Variants in RAB3IL1 observed in about 807,000 individuals in gnomAD.
RAB3IL1 encodes the protein guanine nucleotide exchange factor for Rab-3A.
RAB3IL1 carries 37 observed loss-of-function variants against 49.2 expected under a neutral mutation model. That is an observed-to-expected ratio of 0.75 (90% CI 0.58 to 0.99). The LOEUF (loss-of-function observed/expected upper bound fraction) is 0.99, where lower values mean the gene tolerates loss of function less well. Among genes scored for constraint, RAB3IL1 ranks in the 50% least tolerant of loss-of-function variants. RAB3IL1 has a pLI of 0.00. For synonymous variants in RAB3IL1, 193 were observed against 213.9 expected, an observed-to-expected ratio of 0.90 and a Z score of 0.85; for missense variants, 484 against 513.0, an observed-to-expected ratio of 0.94 and a Z score of 0.55.
Position 61,901,401 on chromosome 11 carries a change from C to T in RAB3IL1, c.999+1041G>A, listed in dbSNP as rs545053646. ...CCTAGAGGCCCCTTGGCACTCACGG[C>T]CGACTTAAGGCTGGTGCACCAGACG... On this transcript the variant is annotated intron_variant, in intron 8 of 9. Coordinates refer to ENST00000394836, the MANE Select transcript of RAB3IL1 (RefSeq NM_013401.4). Among the ~76,000 whole-genome samples the T allele has an allele frequency of 2.6e-5, 4 of 152,304 alleles. No homozygotes were observed. In the East Asian group the frequency reaches 7.7e-4, roughly 29 times the overall value.
the RAB3IL1 span, among the ~76,000 whole-genome samples, chr11:61,928,014 G>C: frequency 1.3e-5 from 2 of 152,138 alleles, no homozygotes; most frequent in African/African-American, 4.8e-5. Flanking sequence ...ACTAAGAGGA[G>C]TCATTGAAGG....
the RAB3IL1 span, among the ~76,000 whole-genome samples, chr11:61,943,647 G>A: frequency 1.3e-5 from 2 of 152,024 alleles, no homozygotes; most frequent in African/African-American, 4.8e-5. Flanking sequence ...CTGAAAAAAT[G>A]GGCAAAAGAC....
At chr11:61,935,715 A>G in the RAB3IL1 span, among the ~76,000 whole-genome samples, 3 of 151,806 alleles carry the variant, frequency 2.0e-5, no homozygotes, top group African/African-American at 7.3e-5. Context: ...GAGTTTCACT[A>G]TGTTGGCCAG....
intron 8 of RAB3IL1, among the ~76,000 whole-genome samples, chr11:61,901,110 A>G (rs1407108090): frequency 6.6e-6 from 1 of 152,118 alleles, no homozygotes; most frequent in Non-Finnish European, 1.5e-5. Context: ...GAGTTCATCA[A>G]GGACAGTATA....
At chr11:61,924,838 T>C (rs866233484), upstream of RAB3IL1, among the ~76,000 whole-genome samples, 5 of 152,158 alleles carry the variant, frequency 3.3e-5, no homozygotes, top group Admixed American at 6.5e-5. Context: ...CCAAGGTGCC[T>C]GGGGCCTGAG....
chr11:61,906,544 C>A lies in RAB3IL1; in HGVS notation c.579G>T (p.Lys193Asn). Reference protein sequence around the residue: ...AGPRKGHSRHKSTSSTLCPAV... With the variant: ...AGPRKGHSRHNSTSSTLCPAV... ...CGGGGCAGAGGGTGCTGCTGGTGCT[C>A]TTGTGGCGAGAGTGGCCCTTTCGGG... The change falls in exon 5 of 10, where the codon AAG becomes AAT. Residue 193 changes from lysine (K) to asparagine (N), a missense_variant. By Grantham distance (94) the Lys-to-Asn change is moderately conservative. Coordinates refer to ENST00000394836, the MANE Select transcript of RAB3IL1 (RefSeq NM_013401.4). This position sits in a 1 kb window ranked among gnomAD's most constrained non-coding sequence, Gnocchi z 4.6. 1 of 1,576,018 alleles carries A rather than the reference C, an allele frequency of 6.3e-7. No individual in the cohort carries two copies. The highest frequency in any genetic ancestry group is 1.2e-5 in the South Asian group (1 of 86,592).
intron 1 of RAB3IL1, among the ~76,000 whole-genome samples, chr11:61,908,860 T>C (rs1237452559): frequency 1.3e-5 from 2 of 152,128 alleles, no homozygotes; most frequent in African/African-American, 2.4e-5. Flanking sequence ...TGCAAACAGC[T>C]TGGACAAGAC....
chr11:61,904,919 G>A (rs113279525), intron 5 of RAB3IL1, 37 bp from the exon 6 acceptor site: 2 of 1,497,666 alleles, frequency 1.3e-6, no homozygotes, highest in East Asian at 2.3e-5. Flanking sequence ...GGGCGGTCAG[G>A]GTACTGGGGC....
intron 8 of RAB3IL1, among the ~76,000 whole-genome samples, chr11:61,900,218 T>TCCTGGCTGGACTCCC (rs1938835319): frequency 1.3e-5 from 2 of 152,222 alleles, no homozygotes; most frequent in Admixed American, 6.5e-5. Flanking sequence ...TAAGGCCACA[T>TCCTGGCTGGACTCCC]CCTGGCTGGA....
chr11:61,921,762 C>A (rs73491254), upstream of RAB3IL1, among the ~76,000 whole-genome samples: 3,051 of 152,256 alleles, frequency 0.02, 88 homozygotes, highest in African/African-American at 0.064. Context: ...TCATTTGGCC[C>A]AAATTCTCAT....
chr11:61,928,162 G>GAA, the RAB3IL1 span, among the ~76,000 whole-genome samples: 11 of 127,062 alleles, frequency 8.7e-5, no homozygotes, highest in Admixed American at 2.4e-4. Flanking sequence ...TCCTGCTACA[G>GAA]AAAAAAAAAA....
upstream of RAB3IL1, among the ~76,000 whole-genome samples, chr11:61,924,271 A>G (rs1207816652): frequency 6.6e-6 from 1 of 152,120 alleles, no homozygotes; most frequent in Non-Finnish European, 1.5e-5. Context: ...GGAAGTTCCC[A>G]TCCTCACTCT....
At chr11:61,923,291 T>C (rs1435286231), upstream of RAB3IL1, among the ~76,000 whole-genome samples, 2 of 152,194 alleles carry the variant, frequency 1.3e-5, no homozygotes, top group Non-Finnish European at 2.9e-5. Flanking sequence ...CCAGGGTCAC[T>C]TGTGAGTCAC....
chr11:61,907,546 C>T lies in RAB3IL1; in HGVS notation c.360+19G>A, dbSNP rs1245074023. The T allele has an allele frequency of 6.2e-7, 1 of 1,613,910 alleles. No homozygotes were observed. The highest frequency in any genetic ancestry group is 1.1e-5 in the South Asian group (1 of 91,032). Reference sequence around the variant, plus strand: ...AGATGACCCATTCCCCAAGTTGTTCCCGCGCCCAGCCGGTGTACCTCAAAC... The same window carrying T: ...AGATGACCCATTCCCCAAGTTGTTCTCGCGCCCAGCCGGTGTACCTCAAAC... On this transcript the variant is annotated intron_variant, in intron 3 of 9. Coordinates refer to ENST00000394836, the MANE Select transcript of RAB3IL1 (RefSeq NM_013401.4).
the RAB3IL1 span, among the ~76,000 whole-genome samples, chr11:61,941,885 G>A: frequency 1.3e-5 from 2 of 152,288 alleles, no homozygotes; most frequent in Admixed American, 1.3e-4. Flanking sequence ...GATTTATCAT[G>A]GGAATGCAAG....
chr11:61,942,146 G>A, the RAB3IL1 span, among the ~76,000 whole-genome samples: 88 of 152,266 alleles, frequency 5.8e-4, no homozygotes, highest in African/African-American at 2.0e-3. Flanking sequence ...AGAAGATGGA[G>A]GTTGCAGTGA....
rs1052987947 is a variant in RAB3IL1 at position 61,907,928 on chromosome 11, A to T, written c.264+126T>A. 2.4e-5 allele frequency: 34 copies of T among 1,403,484 alleles called. No homozygotes were observed. In the African/African-American group the frequency reaches 4.6e-4, roughly 19 times the overall value. The allele number at this position is 1,403,484 out of a possible 1,614,324, so 86.9% of individuals were successfully genotyped here. A position where few individuals can be genotyped will look rare whatever the true frequency, so the allele number is the denominator to read the frequency against. On this transcript the variant is annotated intron_variant, in intron 2 of 9. Transcript: ENST00000394836. ...TGCGCCCAGTACAGGCCTGGCCAGC[A>T]GCTGGCCTCGGTGAGGGCACATCCC...
chr11:61,904,627 T>C lies in RAB3IL1; in HGVS notation c.818A>G (p.Asp273Gly). The change falls in exon 7 of 10, where the codon GAC becomes GGC. Residue 273 changes from aspartate to glycine, a missense_variant. Asp to Gly is a moderately conservative substitution (Grantham distance 94). Transcript: ENST00000394836. ...CACCGGCTCAATGGTGAGCGTGTTG[T>C]CCTCCACGGCGGCCCGTACCAGCAC... ...LSVLVRAAVEDNTLTIEPVAS... is the reference protein window; with the variant it reads ...LSVLVRAAVEGNTLTIEPVAS... The C allele has an allele frequency of 6.2e-7, 1 of 1,612,686 alleles. No individual in the cohort carries two copies. The highest frequency in any genetic ancestry group is 1.1e-5 in the South Asian group (1 of 90,740).
At chr11:61,900,087 C>A (rs1229691872) in intron 8 of RAB3IL1, among the ~76,000 whole-genome samples, 2 of 152,232 alleles carry the variant, frequency 1.3e-5, no homozygotes, top group Non-Finnish European at 2.9e-5. Flanking sequence ...TGTACTCACT[C>A]CTCCTGTAGA....
Sources: allele counts gnomAD v4.1 joint callset (sites outside exome capture counted in the v4.1 genomes callset), GRCh38; gene constraint gnomAD v4.1.1; non-coding constraint Gnocchi (gnomAD v3.1); transcripts MANE v1.5; gene names NCBI Gene and HGNC (gene_info 2026-07-23, HGNC 2026-07-21).